SPAG16: variants seen among roughly 807,000 people sequenced by gnomAD.
The protein encoded by SPAG16 is sperm associated antigen 16, also known as sperm-associated antigen 16 protein.
Under a neutral mutation model 80.4 loss-of-function variants are expected in SPAG16, and 86 were observed. That is an observed-to-expected ratio of 1.07 (90% CI 0.90 to 1.28). The LOEUF is 1.28. Among genes scored for constraint, SPAG16 ranks in the 50% most tolerant of loss-of-function variants. SPAG16 has a pLI of 0.00. For missense variants in SPAG16, 870 were observed against 765.3 expected (o/e 1.14, Z -1.61); for synonymous variants, 294 against 265.9 (o/e 1.11, Z -1.03).
chr2:214,407,595 A>T (rs1702063311), intron 15 of SPAG16, among the ~76,000 whole-genome samples: 1 of 152,140 alleles, frequency 6.6e-6, no homozygotes, highest in African/African-American at 2.4e-5. Context: ...TTTCATTGCC[A>T]ATCACCAGGA....
At chr2:213,472,116 G>A (rs945409956) in intron 9 of SPAG16, among the ~76,000 whole-genome samples, 5 of 152,138 alleles carry the variant, frequency 3.3e-5, no homozygotes, top group Admixed American at 1.3e-4. Context: ...AGTAAAAAGC[G>A]ATCAAGGTGT....
intron 9 of SPAG16, among the ~76,000 whole-genome samples, chr2:213,381,612 A>G (rs1179951370): frequency 1.3e-5 from 2 of 152,218 alleles, no homozygotes; most frequent in Non-Finnish European, 2.9e-5. Context: ...CAAGGAAAAT[A>G]GCCAGTATTC....
intron 11 of SPAG16, among the ~76,000 whole-genome samples, chr2:213,866,732 A>G (rs2075701759): frequency 6.6e-6 from 1 of 152,210 alleles, no homozygotes. Flanking sequence ...ACAATCCCCA[A>G]AGTCAAAACA....
chr2:213,441,324 A>G (rs1329074510), intron 9 of SPAG16, among the ~76,000 whole-genome samples: 1 of 152,262 alleles, frequency 6.6e-6, no homozygotes, highest in Non-Finnish European at 1.5e-5. Context: ...AAATGTAGAA[A>G]GCACTGTAAT....
At chr2:214,062,017 A>ACACACG (rs1559748697) in intron 13 of SPAG16, among the ~76,000 whole-genome samples, 1 of 146,820 alleles carries the variant, frequency 6.8e-6, no homozygotes, top group African/African-American at 2.5e-5. Context: ...ACACACACAC[A>ACACACG]CACGCAGTGT....
chr2:213,403,025 C>T (rs1323311016), intron 9 of SPAG16, among the ~76,000 whole-genome samples: 1 of 151,856 alleles, frequency 6.6e-6, no homozygotes, highest in East Asian at 1.9e-4. Context: ...AATGGTTGAA[C>T]TAGTTTACAG....
intron 9 of SPAG16, chr2:213,422,347 G>C: frequency 1.4e-6 from 1 of 692,716 alleles, no homozygotes; most frequent in South Asian, 1.5e-5. Context: ...CACAGATCCA[G>C]TGCCTGTGCC....
chr2:213,765,830 T>C (rs974777327), intron 10 of SPAG16, among the ~76,000 whole-genome samples: 2 of 152,242 alleles, frequency 1.3e-5, no homozygotes, highest in Non-Finnish European at 2.9e-5. Context: ...GATGCTTTTG[T>C]AGTTGGAAAT....
At chr2:213,947,785 C>A (rs185598660) in intron 12 of SPAG16, among the ~76,000 whole-genome samples, 1 of 152,216 alleles carries the variant, frequency 6.6e-6, no homozygotes, top group Non-Finnish European at 1.5e-5. Flanking sequence ...GTTCTCTGTT[C>A]TATTCTACTG....
At chr2:213,507,400 A>G (rs1331191160) in intron 10 of SPAG16, among the ~76,000 whole-genome samples, 3 of 152,230 alleles carry the variant, frequency 2.0e-5, no homozygotes, top group Admixed American at 1.3e-4. Context: ...ATATTCATCA[A>G]ATATACTCAG....
chr2:213,715,619 G>A (rs1442415191), intron 10 of SPAG16, among the ~76,000 whole-genome samples: 2 of 152,138 alleles, frequency 1.3e-5, no homozygotes, highest in African/African-American at 4.8e-5. Flanking sequence ...TTCTTGTGAA[G>A]AGATTAGCAC....
chr2:213,362,916 C>A (rs1192911730), intron 7 of SPAG16, among the ~76,000 whole-genome samples: 5 of 152,104 alleles, frequency 3.3e-5, no homozygotes, highest in African/African-American at 1.2e-4. Flanking sequence ...GCCCCACCTC[C>A]AACACTGGGG....
At chr2:213,708,250 A>ATTAGGTAT (rs2065840782) in intron 10 of SPAG16, among the ~76,000 whole-genome samples, 1 of 152,206 alleles carries the variant, frequency 6.6e-6, no homozygotes, top group African/African-American at 2.4e-5. Context: ...AAATGCTCCC[A>ATTAGGTAT]TTAGGTATGT....
rs372675907 is a variant in SPAG16, at chr2:213,832,152, G to A, written c.1071-30333G>A. Among the ~76,000 whole-genome samples, 4 of 151,560 alleles carry A rather than the reference G, an allele frequency of 2.6e-5. No homozygotes were observed. The East Asian group carries it at 7.8e-4, about 30-fold the overall frequency. ...AGCTGGGATTACAGGCACTTGCCACGGCGCCTGGCTAATTTTTGTATTTTT... is the reference window on the plus strand; with the variant it reads ...AGCTGGGATTACAGGCACTTGCCACAGCGCCTGGCTAATTTTTGTATTTTT... On this transcript the variant is annotated intron_variant, in intron 10 of 15. Transcript: ENST00000331683.
At chr2:214,266,290 A>T (rs561878559) in intron 15 of SPAG16, among the ~76,000 whole-genome samples, 1 of 152,078 alleles carries the variant, frequency 6.6e-6, no homozygotes, top group East Asian at 1.9e-4. Flanking sequence ...AATCTAGAAT[A>T]CGTTGCCACA....
At chr2:213,771,384 T>G (rs527994919) in intron 10 of SPAG16, among the ~76,000 whole-genome samples, 1 of 152,312 alleles carries the variant, frequency 6.6e-6, no homozygotes, top group African/African-American at 2.4e-5. Context: ...CACAAAAACT[T>G]TCTCCTATTC....
chr2:213,466,943 T>C (rs190483232), intron 9 of SPAG16, among the ~76,000 whole-genome samples: 1 of 152,286 alleles, frequency 6.6e-6, no homozygotes, highest in Non-Finnish European at 1.5e-5. Context: ...TATAGTGGTA[T>C]GTAGAAAAAG....
At chr2:214,195,490 A>G (rs548499531) in intron 15 of SPAG16, among the ~76,000 whole-genome samples, 80 of 152,044 alleles carry the variant, frequency 5.3e-4, no homozygotes, top group Non-Finnish European at 1.0e-3. Flanking sequence ...ATAGAAGTGC[A>G]AGATTGAACT....
rs2063532270 is a variant in SPAG16, at chr2:213,664,459, A to T, written c.1070+174369A>T. 2.0e-5 allele frequency among the ~76,000 whole-genome samples: 3 copies of T among 152,140 alleles called. No individual in the cohort carries two copies. In the South Asian group the frequency reaches 6.2e-4, roughly 31 times the overall value. On this transcript the variant is annotated intron_variant, in intron 10 of 15. Coordinates refer to ENST00000331683, the MANE Select transcript of SPAG16 (RefSeq NM_024532.5). The stretch of plus-strand genomic sequence containing the variant: ...ATTAATAATTATTTCAGGATAACAG[A>T]GGTAAAGAGGAGCTCTTCTTAGAAA...
Sources: allele counts gnomAD v4.1 joint callset (sites outside exome capture counted in the v4.1 genomes callset), GRCh38; gene constraint gnomAD v4.1.1; transcripts MANE v1.5; gene names NCBI Gene and HGNC (gene_info 2026-07-23, HGNC 2026-07-21).